AHRR: variants seen among roughly 807,000 people sequenced by gnomAD.
AHRR encodes the protein aryl hydrocarbon receptor repressor.
In AHRR, 28 loss-of-function variants were observed where a neutral mutation model predicts 44.0. That is an observed-to-expected ratio of 0.64 (90% CI 0.47 to 0.87). The LOEUF is 0.87. Ranked by LOEUF, AHRR falls within the 40% of genes least tolerant of loss-of-function variation. The pLI, the probability that AHRR is intolerant of heterozygous loss-of-function variation, is 0.00. For synonymous variants in AHRR, 434 were observed against 407.0 expected (o/e 1.07, Z -0.80); for missense variants, 990 against 953.9 (o/e 1.04, Z -0.50).
At chr5:341,066 G>C (rs1742333639) in intron 1 of AHRR, among the ~76,000 whole-genome samples, 1 of 150,926 alleles carries the variant, frequency 6.6e-6, no homozygotes, top group African/African-American at 2.4e-5. Context: ...CCAGGCTGGA[G>C]TGCAGTGGCA....
intron 7 of AHRR, among the ~76,000 whole-genome samples, chr5:424,227 C>T (rs1421652274): frequency 6.8e-6 from 1 of 146,720 alleles, no homozygotes; most frequent in Non-Finnish European, 1.5e-5. Flanking sequence ...GGGTGTTAAC[C>T]CATGTGTCTC....
chr5:386,893 A>C (rs1043182459), intron 4 of AHRR, among the ~76,000 whole-genome samples: 14 of 151,822 alleles, frequency 9.2e-5, no homozygotes, highest in African/African-American at 3.2e-4. Context: ...CATCCCGGAC[A>C]CTTTTCACCT....
intron 2 of AHRR, among the ~76,000 whole-genome samples, chr5:344,242 G>A (rs1400941919): frequency 6.6e-6 from 1 of 151,024 alleles, no homozygotes; most frequent in Non-Finnish European, 1.5e-5. Flanking sequence ...CCAAGGACGC[G>A]GGCGGAGCTC....
intron 4 of AHRR, chr5:403,632 C>T (rs1471738008): frequency 5.1e-5 from 23 of 449,296 alleles, no homozygotes; most frequent in African/African-American, 4.9e-4. Context: ...AATGAGACTC[C>T]GTTTCAGAAA....
At chr5:398,751 A>G (rs2126489220) in intron 4 of AHRR, among the ~76,000 whole-genome samples, 1 of 152,334 alleles carries the variant, frequency 6.6e-6, no homozygotes, top group African/African-American at 2.4e-5. Flanking sequence ...TTCTGTGAGA[A>G]GGGCTGGGCT....
At chr5:365,056 T>A (rs1265791584) in intron 3 of AHRR, among the ~76,000 whole-genome samples, 1 of 152,130 alleles carries the variant, frequency 6.6e-6, no homozygotes, top group Non-Finnish European at 1.5e-5. Flanking sequence ...GAGAAATATT[T>A]TAAATACTGT....
rs542347577 is a variant in AHRR at position 414,973 on chromosome 5, C to T, written c.441+1540C>T. On this transcript the variant is annotated intron_variant, in intron 5 of 10. Transcript: ENST00000684583. Reference sequence around the variant, plus strand: ...GGCAGCAGTGCCCACAGGGCCCAGGCGGGGGCCGTTGGAAACCCCAGCCCC... The same window carrying T: ...GGCAGCAGTGCCCACAGGGCCCAGGTGGGGGCCGTTGGAAACCCCAGCCCC... Among the ~76,000 whole-genome samples, 11 of 152,340 alleles carry T rather than the reference C, an allele frequency of 7.2e-5. No individual in the cohort carries two copies. In the East Asian group the frequency reaches 9.6e-4, roughly 13 times the overall value.
Position 434,505 on chromosome 5 carries a change from C to T in AHRR, c.1765C>T (p.His589Tyr), listed in dbSNP as rs1318530723. 1 of 1,612,826 alleles carries T rather than the reference C, an allele frequency of 6.2e-7. No individual in the cohort carries two copies. Among genetic ancestry groups the T allele is most frequent in the South Asian group, 1.1e-5 (1 of 91,022 alleles). Residue 589 changes from histidine (H) to tyrosine (Y), a missense_variant, in exon 11 of 11, where the codon CAC (histidine) becomes TAC (tyrosine). His to Tyr is a moderately conservative substitution (Grantham distance 83). Coordinates refer to ENST00000684583, the MANE Select transcript of AHRR (RefSeq NM_001377236.1). Reference sequence around the variant, plus strand: ...ACAGGTGTACATCTCGCACCTGGGGCACGGCGTGCGGGGGGCTCAGCCCCA... The same window carrying T: ...ACAGGTGTACATCTCGCACCTGGGGTACGGCGTGCGGGGGGCTCAGCCCCA... ...RQQVYISHLG[H>Y]GVRGAQPHGR... is the part of the protein sequence containing the mutation.
intron 1 of AHRR, among the ~76,000 whole-genome samples, chr5:323,578 T>C (rs979333957): frequency 3.9e-5 from 6 of 152,200 alleles, no homozygotes; most frequent in African/African-American, 1.2e-4. Context: ...CCCTCCTTCA[T>C]GTGGCCTGGT....
intron 1 of AHRR, among the ~76,000 whole-genome samples, chr5:329,812 C>T (rs527897356): frequency 5.4e-4 from 82 of 152,180 alleles, no homozygotes; most frequent in African/African-American, 1.8e-3. Flanking sequence ...TTATATGTTG[C>T]TTTTGTATTC....
At chr5:427,769 T>G (rs751106807) in intron 7 of AHRR, 38 bp from the exon 8 acceptor site, 2 of 1,611,858 alleles carry the variant, frequency 1.2e-6, no homozygotes, top group East Asian at 2.2e-5. Flanking sequence ...CCAGGCCACT[T>G]GGTGAACACG....
chr5:399,232 C>T (rs1734906635), intron 4 of AHRR, among the ~76,000 whole-genome samples: 2 of 152,208 alleles, frequency 1.3e-5, no homozygotes, highest in South Asian at 4.1e-4. Flanking sequence ...CGTGGGGTCC[C>T]AGGCTTAGGG....
intron 4 of AHRR, among the ~76,000 whole-genome samples, chr5:397,806 A>G (rs1734805104): frequency 9.9e-6 from 1 of 101,202 alleles, no homozygotes; most frequent in Non-Finnish European, 2.0e-5. Flanking sequence ...GTAGCCCCTG[A>G]CCGTCCACGT....
At chr5:376,566 G>GAAAGATGTGAATGAATGAGAT in intron 3 of AHRR, 44 bp from the exon 4 acceptor site, 1 of 1,517,814 alleles carries the variant, frequency 6.6e-7, no homozygotes, top group Non-Finnish European at 8.9e-7. Context: ...GAGTGGCCAG[G>GAAAGATGTGAATGAATGAGAT]CCAAGGGTTG....
intron 2 of AHRR, among the ~76,000 whole-genome samples, chr5:345,216 GTCGGATGATGTCCCTGGC>G (rs1282450018): frequency 2.9e-4 from 31 of 105,334 alleles, no homozygotes; most frequent in South Asian, 1.1e-3. Context: ...GTGTGTGTGT[GTCGGATGATGTCCCTGGC>G]TGTGTGTGGG....
intron 3 of AHRR, 36 bp downstream of exon 3, chr5:353,947 G>C (rs756565130): frequency 1.3e-6 from 2 of 1,581,262 alleles, no homozygotes; most frequent in East Asian, 4.5e-5. Context: ...GTTCACTTGA[G>C]TCAGGCTGTG....
At chr5:353,107 G>C (rs1560888391) in intron 2 of AHRR, among the ~76,000 whole-genome samples, 2 of 152,170 alleles carry the variant, frequency 1.3e-5, no homozygotes, top group Non-Finnish European at 2.9e-5. Flanking sequence ...GGCTTATTAG[G>C]AGAATTGGGT....
At chr5:433,432 G>A (rs1247040687) in intron 10 of AHRR, among the ~76,000 whole-genome samples, 1 of 152,230 alleles carries the variant, frequency 6.6e-6, no homozygotes, top group Non-Finnish European at 1.5e-5. Context: ...CAAGGCACGT[G>A]GTGTCCTGTT....
Position 414,131 on chromosome 5 carries a change from C to T in AHRR, c.441+698C>T, listed in dbSNP as rs184734228. On this transcript the variant is annotated intron_variant, in intron 5 of 10. Transcript: ENST00000684583. Reference sequence around the variant, plus strand: ...TACAAAAATTAGCTGGGTGTGGTGGCGTGCACCCGTAGTCCCAGCTACTAG... The same window carrying T: ...TACAAAAATTAGCTGGGTGTGGTGGTGTGCACCCGTAGTCCCAGCTACTAG... Among the ~76,000 whole-genome samples, 327 of 152,132 alleles carry T rather than the reference C, an allele frequency of 2.1e-3. 1 individual carries two copies. Among genetic ancestry groups the T allele is most frequent in the Middle Eastern group, 0.01 (3 of 294 alleles).
Sources: allele counts gnomAD v4.1 joint callset (sites outside exome capture counted in the v4.1 genomes callset), GRCh38; gene constraint gnomAD v4.1.1; transcripts MANE v1.5; gene names NCBI Gene and HGNC (gene_info 2026-07-23, HGNC 2026-07-21).